Variants in TMEM163 observed in about 807,000 individuals in gnomAD.
TMEM163 encodes transmembrane protein 163.
A neutral mutation model predicts 29.3 loss-of-function variants in TMEM163; 17 were observed. The observed-to-expected ratio is 0.58, with a 90% CI of 0.40 to 0.87. TMEM163 has a LOEUF of 0.87. Among genes scored for constraint, TMEM163 ranks in the 40% least tolerant of loss-of-function variants. The probability of loss-of-function intolerance (pLI) is 0.00; values close to 1 mark genes in which losing one functional copy is unlikely to be tolerated. For missense variants in TMEM163, 303 were observed against 381.5 expected, an observed-to-expected ratio of 0.79 and a Z score of 1.71; for synonymous variants, 157 against 160.6, an observed-to-expected ratio of 0.98 and a Z score of 0.17.
At chr2:134,516,780 C>CATATATATGCATATATATGAAT (rs1680078933) in intron 4 of TMEM163, among the ~76,000 whole-genome samples, 3 of 139,458 alleles carry the variant, frequency 2.2e-5, no homozygotes, top group African/African-American at 5.4e-5. Flanking sequence ...CATATCTATT[C>CATATATATGCATATATATGAAT]ATATATATAT....
chr2:134,623,457 C>T (rs542829857), intron 2 of TMEM163, among the ~76,000 whole-genome samples: 1 of 152,120 alleles, frequency 6.6e-6, no homozygotes, highest in Non-Finnish European at 1.5e-5. Flanking sequence ...ATGTCCAAAC[C>T]ACCCTACTTT....
intron 5 of TMEM163, among the ~76,000 whole-genome samples, chr2:134,487,017 C>T (rs1679326796): frequency 6.6e-6 from 1 of 152,164 alleles, no homozygotes; most frequent in Non-Finnish European, 1.5e-5. Flanking sequence ...AAGCAAACCT[C>T]TTAGCAAACA....
chr2:134,586,403 G>C (rs1574259095), intron 2 of TMEM163, among the ~76,000 whole-genome samples: 1 of 152,174 alleles, frequency 6.6e-6, no homozygotes, highest in South Asian at 2.1e-4. Context: ...GCAAACTTTG[G>C]CATTCCTTGG....
chr2:134,618,827 A>G lies in TMEM163; in HGVS notation c.323-66736T>C, dbSNP rs111532933. On this transcript the variant is annotated intron_variant, in intron 2 of 7. Coordinates refer to ENST00000281924, the MANE Select transcript of TMEM163 (RefSeq NM_030923.5). ...AATGAAAACAAAAACACAACATAAC[A>G]AAATGTATAGGGTGCTACTACAGCA... 9.3e-3 allele frequency among the ~76,000 whole-genome samples: 1,414 copies of G among 152,288 alleles called. 29 individuals carry two copies. Among genetic ancestry groups the G allele is most frequent in the African/African-American group, 0.032 (1,319 of 41,570 alleles).
intron 2 of TMEM163, among the ~76,000 whole-genome samples, chr2:134,602,783 C>T (rs1209036537): frequency 6.6e-6 from 1 of 152,084 alleles, no homozygotes; most frequent in Non-Finnish European, 1.5e-5. Context: ...CCCAGGCCCT[C>T]CTGGGTCTTC....
At chr2:134,597,022 A>G (rs1433829737) in intron 2 of TMEM163, among the ~76,000 whole-genome samples, 1 of 152,298 alleles carries the variant, frequency 6.6e-6, no homozygotes, top group East Asian at 1.9e-4. Flanking sequence ...GGCTGAGACG[A>G]CGGGGTTTTC....
chr2:134,463,807 T>G (rs975178218), intron 6 of TMEM163, among the ~76,000 whole-genome samples: 2 of 151,998 alleles, frequency 1.3e-5, no homozygotes, highest in Non-Finnish European at 2.9e-5. Context: ...CCTAACAGAG[T>G]GTAAAACCCC....
chr2:134,683,121 G>A (rs1158088500), intron 2 of TMEM163, among the ~76,000 whole-genome samples: 1 of 152,160 alleles, frequency 6.6e-6, no homozygotes, highest in Non-Finnish European at 1.5e-5. Context: ...GGTGAAAGAT[G>A]GGATTTTTAG....
chr2:134,523,110 T>C (rs1022326760), intron 4 of TMEM163, among the ~76,000 whole-genome samples: 2 of 152,228 alleles, frequency 1.3e-5, no homozygotes, highest in African/African-American at 4.8e-5. Flanking sequence ...CAGATAAGAC[T>C]GAAACGTGTG....
chr2:134,684,027 G>A (rs1684303616), intron 2 of TMEM163, among the ~76,000 whole-genome samples: 1 of 152,068 alleles, frequency 6.6e-6, no homozygotes, highest in Non-Finnish European at 1.5e-5. Flanking sequence ...ATTTATTTGT[G>A]CTAAAATGAC....
intron 2 of TMEM163, among the ~76,000 whole-genome samples, chr2:134,692,610 G>T (rs1479455995): frequency 6.6e-6 from 1 of 152,168 alleles, no homozygotes; most frequent in East Asian, 1.9e-4. Context: ...GTTCCAGATG[G>T]CTGCCTCCTC....
At chr2:134,554,031 A>G (rs1317010793) in intron 2 of TMEM163, among the ~76,000 whole-genome samples, 1 of 152,220 alleles carries the variant, frequency 6.6e-6, no homozygotes, top group African/African-American at 2.4e-5. Context: ...CTGTTTTTAG[A>G]ATATCTTAGC....
At chr2:134,520,392 C>G (rs191240070) in intron 4 of TMEM163, among the ~76,000 whole-genome samples, 1 of 152,316 alleles carries the variant, frequency 6.6e-6, no homozygotes, top group East Asian at 1.9e-4. Context: ...AAAGCACAGT[C>G]CCCGGAACCT....
chr2:134,496,919 C>A (rs1176268047), intron 5 of TMEM163, among the ~76,000 whole-genome samples: 3 of 152,130 alleles, frequency 2.0e-5, no homozygotes, highest in Non-Finnish European at 4.4e-5. Flanking sequence ...GCACACAGAA[C>A]CTGTGGCCCC....
At chr2:134,556,045 G>C (rs986716171) in intron 2 of TMEM163, among the ~76,000 whole-genome samples, 2 of 152,206 alleles carry the variant, frequency 1.3e-5, no homozygotes, top group African/African-American at 2.4e-5. Flanking sequence ...CTTTCTTAGA[G>C]GGGATTTTAG....
chr2:134,477,378 T>C (rs780324242), intron 5 of TMEM163, among the ~76,000 whole-genome samples: 1 of 152,154 alleles, frequency 6.6e-6, no homozygotes, highest in Non-Finnish European at 1.5e-5. Context: ...ATGTGCCACG[T>C]TGGAGTGAAT....
At chr2:134,527,169 T>A (rs936736653) in intron 4 of TMEM163, among the ~76,000 whole-genome samples, 1 of 152,208 alleles carries the variant, frequency 6.6e-6, no homozygotes, top group Non-Finnish European at 1.5e-5. Context: ...AATCTCATCT[T>A]CTTGGTGATT....
intron 2 of TMEM163, among the ~76,000 whole-genome samples, chr2:134,561,831 T>C (rs1293867300): frequency 2.6e-5 from 4 of 152,202 alleles, no homozygotes; most frequent in Non-Finnish European, 4.4e-5. Flanking sequence ...AGTCTTTCAT[T>C]CAACCAACAA....
chr2:134,516,321 G>A (rs1680055397), intron 4 of TMEM163, among the ~76,000 whole-genome samples: 1 of 152,060 alleles, frequency 6.6e-6, no homozygotes, highest in South Asian at 2.1e-4. Context: ...AGCACTTTGG[G>A]AGGCCGAGAC....
Sources: allele counts gnomAD v4.1 joint callset (sites outside exome capture counted in the v4.1 genomes callset), GRCh38; gene constraint gnomAD v4.1.1; transcripts MANE v1.5; gene names NCBI Gene and HGNC (gene_info 2026-07-23, HGNC 2026-07-21).